Variants in ELAPOR2 observed in about 807,000 individuals in gnomAD.
The protein encoded by ELAPOR2 is endosome/lysosome-associated apoptosis and autophagy regulator family member 2.
A neutral mutation model predicts 120.7 loss-of-function variants in ELAPOR2; 89 were observed. The ratio of observed to expected loss-of-function variants is 0.74; its 90% CI spans 0.62 to 0.88. The LOEUF (loss-of-function observed/expected upper bound fraction) is 0.88. Among genes scored for constraint, ELAPOR2 ranks in the 40% least tolerant of loss-of-function variants. ELAPOR2 has a pLI of 0.00. For missense variants in ELAPOR2, 1,134 were observed against 1,251.6 expected, an observed-to-expected ratio of 0.91 and a Z score of 1.42; for synonymous variants, 444 against 444.9, an observed-to-expected ratio of 1.00 and a Z score of 0.03.
chr7:86,953,033 T>A (rs1422765946), intron 2 of ELAPOR2, among the ~76,000 whole-genome samples: 3 of 151,708 alleles, frequency 2.0e-5, no homozygotes, highest in African/African-American at 4.8e-5. Flanking sequence ...AAGACAGAGT[T>A]TGCAGTAAGC....
At chr7:86,892,155 A>C (rs2115839445) in intron 20 of ELAPOR2, among the ~76,000 whole-genome samples, 1 of 152,158 alleles carries the variant, frequency 6.6e-6, no homozygotes, top group Non-Finnish European at 1.5e-5. Flanking sequence ...TAATGAAAAA[A>C]TTGGGGGGCA....
intron 1 of ELAPOR2, among the ~76,000 whole-genome samples, chr7:86,974,972 G>C (rs1792232451): frequency 6.6e-6 from 1 of 152,184 alleles, no homozygotes; most frequent in Admixed American, 6.5e-5. Context: ...GGTCAGATAA[G>C]TTCTGAAGAA....
At chr7:86,968,511 A>G (rs1389435717) in intron 1 of ELAPOR2, among the ~76,000 whole-genome samples, 9 of 152,194 alleles carry the variant, frequency 5.9e-5, no homozygotes, top group Non-Finnish European at 1.0e-4. Flanking sequence ...ATTTCAAAGG[A>G]TAAAATACAT....
chr7:87,002,398 G>A (rs1479093239), intron 1 of ELAPOR2, among the ~76,000 whole-genome samples: 1 of 152,122 alleles, frequency 6.6e-6, no homozygotes, highest in Non-Finnish European at 1.5e-5. Context: ...CCTTCTGGTG[G>A]CCATTGCTAC....
Position 86,913,099 on chromosome 7 carries a change from G to A in ELAPOR2, c.1837C>T (p.Gln613Ter). 1 of 1,614,012 alleles carries A rather than the reference G, an allele frequency of 6.2e-7. No individual in the cohort carries two copies. Among genetic ancestry groups the A allele is most frequent in the South Asian group, 1.1e-5 (1 of 91,064 alleles). The change falls in exon 14 of 22, where the codon CAG becomes TAG. Residue 613 changes from glutamine to a stop codon, truncating the protein, a stop_gained. Coordinates refer to ENST00000450689, the MANE Select transcript of ELAPOR2 (RefSeq NM_001142749.3). LOFTEE classifies it high-confidence loss of function. ...SCRACALGSE[Q>*]SGSSCVPCPP... ...CAGGGGACACACGATGAACCCGACT[G>A]TTCAGAACCGAGGGCACAGGCACGG...
At chr7:86,997,069 T>C (rs1446162651) in intron 1 of ELAPOR2, among the ~76,000 whole-genome samples, 1 of 152,196 alleles carries the variant, frequency 6.6e-6, no homozygotes, top group Admixed American at 6.6e-5. Context: ...TCTGATCCTG[T>C]CACTAATTTT....
chr7:86,894,581 G>A (rs1289932408), intron 19 of ELAPOR2, among the ~76,000 whole-genome samples: 1 of 151,878 alleles, frequency 6.6e-6, no homozygotes, highest in African/African-American at 2.4e-5. Flanking sequence ...AACCAAGAAT[G>A]CTTAACTTTT....
At chr7:87,025,254 T>C (rs896196558) in intron 1 of ELAPOR2, among the ~76,000 whole-genome samples, 1 of 152,120 alleles carries the variant, frequency 6.6e-6, no homozygotes, top group Non-Finnish European at 1.5e-5. Context: ...CAATGCTTAT[T>C]TTCTAAAAAC....
At chr7:87,054,491 C>T (rs994593947) in intron 1 of ELAPOR2, among the ~76,000 whole-genome samples, 1 of 152,192 alleles carries the variant, frequency 6.6e-6, no homozygotes, top group East Asian at 1.9e-4. Flanking sequence ...ACGTTAACTG[C>T]TTGAAAACAG....
In ELAPOR2 at chr7:86,923,142, G is replaced by A. The variant is rs188842043; in HGVS notation, c.1399+2386C>T. On this transcript the variant is annotated intron_variant, in intron 10 of 21. Coordinates refer to ENST00000450689, the MANE Select transcript of ELAPOR2 (RefSeq NM_001142749.3). The stretch of plus-strand genomic sequence containing the variant: ...CTGATTTTTCTGATCATCATTCTAT[G>A]AAAAATATTACCCCTTTGAGGTAAA... Among the ~76,000 whole-genome samples, 27 of 151,824 alleles carry A rather than the reference G, an allele frequency of 1.8e-4. No homozygotes were observed. In the East Asian group the frequency reaches 4.7e-3, roughly 26 times the overall value.
In ELAPOR2 at chr7:86,945,106, A is replaced by T. The variant is rs374459168; in HGVS notation, c.507-60T>A. 5.8e-5 allele frequency: 83 copies of T among 1,438,870 alleles called. No homozygotes were observed. In the African/African-American group the frequency reaches 1.0e-3, roughly 18 times the overall value. 89.1% of individuals were successfully genotyped at this position (1,438,870 alleles called of 1,614,324 possible). A position where few individuals can be genotyped will look rare whatever the true frequency, so the allele number is the denominator to read the frequency against. ...ATGTTCTGAAACCTCTTCTATTCAC[A>T]AAACTATGTAACTCAGATTCACGAG... On this transcript the variant is annotated intron_variant, in intron 3 of 21. Transcript: ENST00000450689.
At chr7:86,986,222 G>T (rs2116576904) in intron 1 of ELAPOR2, among the ~76,000 whole-genome samples, 1 of 120,952 alleles carries the variant, frequency 8.3e-6, no homozygotes, top group African/African-American at 3.8e-5. Context: ...GAGGTCAGGA[G>T]ATCGAGACCA....
At chr7:86,989,893 A>T (rs368470129) in intron 1 of ELAPOR2, among the ~76,000 whole-genome samples, 2 of 152,130 alleles carry the variant, frequency 1.3e-5, no homozygotes, top group African/African-American at 4.8e-5. Context: ...GCAAAATTAA[A>T]GGAGGAACTT....
At chr7:87,059,259 C>T (rs1200827225) in intron 1 of ELAPOR2, 66 bp downstream of exon 1, 4 of 1,241,720 alleles carry the variant, frequency 3.2e-6, no homozygotes, top group Non-Finnish European at 4.1e-6. Context: ...ACAGGAACCG[C>T]TCTCAGCCTT....
intron 1 of ELAPOR2, among the ~76,000 whole-genome samples, chr7:87,037,191 C>T (rs1383362579): frequency 6.6e-6 from 1 of 152,072 alleles, no homozygotes; most frequent in African/African-American, 2.4e-5. Flanking sequence ...ACCTCATCAA[C>T]ATCAATGGCT....
intron 15 of ELAPOR2, 104 bp from the exon 16 acceptor site, chr7:86,910,105 TG>T (rs1789228034): frequency 1.2e-5 from 10 of 819,386 alleles, no homozygotes; most frequent in Non-Finnish European, 1.7e-5. Flanking sequence ...CTCTCCTCAC[TG>T]CAAGGATTCT....
At chr7:86,968,527 T>C (rs923413309) in intron 1 of ELAPOR2, among the ~76,000 whole-genome samples, 1 of 152,174 alleles carries the variant, frequency 6.6e-6, no homozygotes, top group Non-Finnish European at 1.5e-5. Context: ...TACATTTTCA[T>C]TTCTATGGAC....
At chr7:87,037,321 T>C (rs1410408591) in intron 1 of ELAPOR2, among the ~76,000 whole-genome samples, 2 of 152,088 alleles carry the variant, frequency 1.3e-5, no homozygotes, top group Non-Finnish European at 2.9e-5. Flanking sequence ...ACTCAGGATG[T>C]CCAATGCTGA....
At chr7:87,045,309 G>A (rs1328473805) in intron 1 of ELAPOR2, among the ~76,000 whole-genome samples, 2 of 146,136 alleles carry the variant, frequency 1.4e-5, no homozygotes, top group Middle Eastern at 3.4e-3. Context: ...ACATGCACAC[G>A]TATGTTTATT....
Sources: allele counts gnomAD v4.1 joint callset (sites outside exome capture counted in the v4.1 genomes callset), GRCh38; gene constraint gnomAD v4.1.1; transcripts MANE v1.5; gene names NCBI Gene and HGNC (gene_info 2026-07-23, HGNC 2026-07-21).